Variants in CSMD1 observed in about 807,000 individuals in gnomAD.
CSMD1 encodes the protein CUB and sushi domain-containing protein 1.
A neutral mutation model predicts 417.5 loss-of-function variants in CSMD1; 213 were observed. The observed-to-expected ratio is 0.51, with a 90% confidence interval of 0.46 to 0.57. The LOEUF (loss-of-function observed/expected upper bound fraction) is 0.57, where lower values mean the gene tolerates loss of function less well. Ranked by LOEUF, CSMD1 falls within the 20% of genes least tolerant of loss-of-function variation. The pLI, the probability that CSMD1 is intolerant of heterozygous loss-of-function variation, is 0.00. For missense variants in CSMD1, 6,923 were observed against 4,529.7 expected (o/e 1.53, Z -15.17); for synonymous variants, 2,862 against 1,736.8 (o/e 1.65, Z -16.11).
chr8:4,556,799 A>T (rs1460882948), intron 2 of CSMD1, among the ~76,000 whole-genome samples: 1 of 152,222 alleles, frequency 6.6e-6, no homozygotes, highest in Non-Finnish European at 1.5e-5. Context: ...CTGAGTGCTG[A>T]CATAAAGCTC....
At chr8:4,453,196 C>T (rs894815827) in intron 2 of CSMD1, among the ~76,000 whole-genome samples, 4 of 134,854 alleles carry the variant, frequency 3.0e-5, no homozygotes, top group African/African-American at 1.1e-4. Context: ...CACAGACACA[C>T]CCACACAGAC....
At position 4,357,691 on chromosome 8, in the gene CSMD1, TAAC is replaced by T. The variant is rs151314784; in HGVS notation, c.415+62259_415+62261del. On this transcript the variant is annotated intron_variant, in intron 3 of 69. Transcript: ENST00000635120. Reference sequence around the variant, plus strand: ...TCTTCATGGTAGGACTTCAAAAACTTAACAAATAATCAGAATTAATTTGAGATC... The same window carrying T: ...TCTTCATGGTAGGACTTCAAAAACTTAAATAATCAGAATTAATTTGAGATC... Among the ~76,000 whole-genome samples the T allele has an allele frequency of 3.2e-4, 49 of 152,198 alleles. No homozygotes were observed. The South Asian group carries it at 3.3e-3, about 10-fold the overall frequency.
chr8:4,783,803 C>T (rs1282747060), intron 1 of CSMD1, among the ~76,000 whole-genome samples: 1 of 152,172 alleles, frequency 6.6e-6, no homozygotes, highest in South Asian at 2.1e-4. Context: ...GGCTTTGACA[C>T]AAGGCATCAA....
intron 2 of CSMD1, among the ~76,000 whole-genome samples, chr8:4,490,065 C>T (rs907340394): frequency 2.3e-4 from 33 of 142,354 alleles, no homozygotes; most frequent in African/African-American, 5.7e-4. Flanking sequence ...TTTTTCAGAC[C>T]GAGTCTTGCT....
intron 3 of CSMD1, among the ~76,000 whole-genome samples, chr8:4,234,393 T>A (rs1452510688): frequency 6.6e-6 from 1 of 152,086 alleles, no homozygotes; most frequent in African/African-American, 2.4e-5. Flanking sequence ...GCCACCGGCA[T>A]TCCTGAACCA....
At chr8:3,117,213 G>T (rs1437728077) in intron 42 of CSMD1, among the ~76,000 whole-genome samples, 1 of 152,104 alleles carries the variant, frequency 6.6e-6, no homozygotes, top group Non-Finnish European at 1.5e-5. Context: ...TGGGACTACA[G>T]GTGCCCACCA....
intron 1 of CSMD1, among the ~76,000 whole-genome samples, chr8:4,682,364 G>A (rs929516396): frequency 5.3e-5 from 8 of 152,060 alleles, no homozygotes; most frequent in African/African-American, 1.4e-4. Context: ...TCAGAATGCT[G>A]TATTTAAATT....
chr8:3,649,441 C>G (rs1355819382), intron 7 of CSMD1, among the ~76,000 whole-genome samples: 1 of 152,126 alleles, frequency 6.6e-6, no homozygotes, highest in Non-Finnish European at 1.5e-5. Flanking sequence ...GGTAATTTAT[C>G]AAGAGGCTGA....
chr8:3,567,200 T>C (rs375927210), intron 10 of CSMD1, among the ~76,000 whole-genome samples: 20 of 152,222 alleles, frequency 1.3e-4, no homozygotes, highest in African/African-American at 4.3e-4. Context: ...TTCTCACTTC[T>C]AGGTGGGCAC....
intron 5 of CSMD1, among the ~76,000 whole-genome samples, chr8:3,818,709 G>C (rs941758976): frequency 2.6e-5 from 4 of 152,184 alleles, no homozygotes; most frequent in Non-Finnish European, 5.9e-5. Flanking sequence ...AAGGAAGGGA[G>C]ATGGAAAACA....
At chr8:3,621,319 T>C (rs1796233577) in intron 7 of CSMD1, among the ~76,000 whole-genome samples, 1 of 152,152 alleles carries the variant, frequency 6.6e-6, no homozygotes, top group Non-Finnish European at 1.5e-5. Context: ...AGAATGCAAC[T>C]GTATGTTGCC....
intron 1 of CSMD1, among the ~76,000 whole-genome samples, chr8:4,819,205 A>C (rs1799379344): frequency 6.6e-6 from 1 of 152,170 alleles, no homozygotes; most frequent in African/African-American, 2.4e-5. Context: ...TGACAGAAGA[A>C]ATAATAATAA....
intron 1 of CSMD1, among the ~76,000 whole-genome samples, chr8:4,781,106 G>A (rs1170803256): frequency 6.6e-6 from 1 of 152,064 alleles, no homozygotes; most frequent in Non-Finnish European, 1.5e-5. Flanking sequence ...ATCTTCTGGT[G>A]GTGTCTTTTC....
intron 3 of CSMD1, among the ~76,000 whole-genome samples, chr8:4,250,147 C>G (rs1261900946): frequency 6.6e-6 from 1 of 152,148 alleles, no homozygotes; most frequent in Non-Finnish European, 1.5e-5. Context: ...TCATTTTGAG[C>G]TTCTCAGCCT....
At chr8:4,803,476 A>C (rs1203670702) in intron 1 of CSMD1, among the ~76,000 whole-genome samples, 2 of 152,214 alleles carry the variant, frequency 1.3e-5, no homozygotes, top group Non-Finnish European at 2.9e-5. Flanking sequence ...GTTAGGGGTC[A>C]GAAAGCCCTA....
intron 1 of CSMD1, among the ~76,000 whole-genome samples, chr8:4,776,038 A>C (rs1382799539): frequency 6.6e-6 from 1 of 152,122 alleles, no homozygotes; most frequent in African/African-American, 2.4e-5. Flanking sequence ...AGTTTGACAA[A>C]TTACAGATGT....
intron 1 of CSMD1, among the ~76,000 whole-genome samples, chr8:4,644,651 G>C (rs1164899513): frequency 1.3e-5 from 2 of 152,178 alleles, no homozygotes; most frequent in African/African-American, 4.8e-5. Context: ...TCAGGTGATG[G>C]CCTCGCCTCA....
intron 5 of CSMD1, among the ~76,000 whole-genome samples, chr8:3,914,718 TC>T (rs1464914243): frequency 6.6e-6 from 1 of 152,104 alleles, no homozygotes; most frequent in East Asian, 1.9e-4. Context: ...TTTTTGACTA[TC>T]CCTTTTTTTT....
At chr8:3,451,666 T>G (rs1441082659) in intron 12 of CSMD1, among the ~76,000 whole-genome samples, 1 of 152,144 alleles carries the variant, frequency 6.6e-6, no homozygotes, top group Non-Finnish European at 1.5e-5. Context: ...TTCTGTTCCA[T>G]TGGTCTATAT....
Sources: gnomAD v4.1 joint callset for allele counts (sites outside exome capture counted in the v4.1 genomes callset) on GRCh38, gnomAD v4.1.1 for gene constraint, MANE v1.5 for transcripts, NCBI Gene and HGNC (gene_info 2026-07-23, HGNC 2026-07-21) for gene names.